The following XPNPEP1 variants were observed in gnomAD, a reference collection of about 807,000 sequenced individuals.
XPNPEP1 encodes the protein X-prolyl aminopeptidase 1.
XPNPEP1 carries 39 observed loss-of-function variants against 92.4 expected under a neutral mutation model. The observed-to-expected ratio is 0.42, with a 90% confidence interval of 0.33 to 0.55. XPNPEP1 has a LOEUF of 0.55. Ranked by LOEUF, XPNPEP1 falls within the 20% of genes least tolerant of loss-of-function variation. XPNPEP1 has a pLI of 0.08. For synonymous variants in XPNPEP1, 307 were observed against 299.4 expected, an observed-to-expected ratio of 1.03 and a Z score of -0.26; for missense variants, 654 against 856.1, an observed-to-expected ratio of 0.76 and a Z score of 2.95.
intron 1 of XPNPEP1, among the ~76,000 whole-genome samples, chr10:109,918,544 G>A (rs921107139): frequency 4.6e-5 from 7 of 152,096 alleles, no homozygotes; most frequent in Admixed American, 3.3e-4. Flanking sequence ...GGCAGATCAC[G>A]AGGTCAGGAG....
chr10:109,896,391 A>G (rs1554880391), intron 3 of XPNPEP1, among the ~76,000 whole-genome samples: 5 of 133,692 alleles, frequency 3.7e-5, no homozygotes, highest in Non-Finnish European at 7.9e-5. Flanking sequence ...CAATCCTCCC[A>G]CCTCAATCTT....
chr10:109,887,945 T>G, intron 7 of XPNPEP1, 104 bp downstream of exon 7: 1 of 1,492,198 alleles, frequency 6.7e-7, no homozygotes, highest in Non-Finnish European at 9.0e-7. Context: ...AATCCTCCTG[T>G]CAGCTCCAAC....
intron 14 of XPNPEP1, chr10:109,875,952 C>A (rs959317097): frequency 4.9e-6 from 1 of 204,268 alleles, no homozygotes; most frequent in Non-Finnish European, 1.0e-5. Flanking sequence ...TAGCTAGAGT[C>A]CTGGGAACTG....
intron 3 of XPNPEP1, among the ~76,000 whole-genome samples, chr10:109,904,073 G>C (rs1849427591): frequency 6.6e-6 from 1 of 151,316 alleles, no homozygotes; most frequent in Admixed American, 6.6e-5. Context: ...TCGAACTCCT[G>C]ACCTCAGGTG....
At chr10:109,888,759 G>A (rs375268355) in intron 5 of XPNPEP1, among the ~76,000 whole-genome samples, 164 bp from the exon 6 acceptor site, 26 of 152,290 alleles carry the variant, frequency 1.7e-4, no homozygotes, top group African/African-American at 5.5e-4. Flanking sequence ...CCTTAATCCT[G>A]GAAGGCTACA....
At chr10:109,875,654 C>G in intron 14 of XPNPEP1, 55 bp from the exon 15 acceptor site, 1 of 1,513,366 alleles carries the variant, frequency 6.6e-7, no homozygotes, top group South Asian at 1.2e-5. Flanking sequence ...CTTAGTGAAT[C>G]TGGGAGGAGG....
At chr10:109,919,083 A>C (rs80049756) in intron 1 of XPNPEP1, among the ~76,000 whole-genome samples, 1 of 152,368 alleles carries the variant, frequency 6.6e-6, no homozygotes, top group Non-Finnish European at 1.5e-5. Flanking sequence ...TGGATTAGGC[A>C]ATGACTTCTT....
At position 109,891,561 on chromosome 10, in the gene XPNPEP1, G is replaced by C. The variant is rs901594186; in HGVS notation, c.415+161C>G. 11 of 531,370 alleles carry C rather than the reference G, an allele frequency of 2.1e-5. No homozygotes were observed. In the Admixed American group the frequency reaches 4.0e-4, roughly 20 times the overall value. 32.9% of individuals were successfully genotyped at this position (531,370 alleles called of 1,614,324 possible). A position where few individuals can be genotyped will look rare whatever the true frequency, so the allele number is the denominator to read the frequency against. ...TCCAAAATTGAATGCACATTGGTAC[G>C]TATGTATAGGCATGCCATTTTTTTT... On this transcript the variant is annotated intron_variant, in intron 5 of 20. Transcript: ENST00000502935.
intron 3 of XPNPEP1, among the ~76,000 whole-genome samples, chr10:109,898,436 G>A (rs753513867): frequency 2.0e-5 from 3 of 152,156 alleles, no homozygotes; most frequent in Non-Finnish European, 4.4e-5. Context: ...CCATATAAAC[G>A]ATGCTGAACA....
intron 15 of XPNPEP1, among the ~76,000 whole-genome samples, chr10:109,874,270 A>G (rs1000125487): frequency 2.0e-5 from 3 of 152,224 alleles, no homozygotes; most frequent in Admixed American, 6.5e-5. Flanking sequence ...GAGAGACACT[A>G]TCACTGGGGT....
At chr10:109,910,713 G>T (rs916825726) in intron 2 of XPNPEP1, among the ~76,000 whole-genome samples, 3 of 152,176 alleles carry the variant, frequency 2.0e-5, no homozygotes, top group Non-Finnish European at 4.4e-5. Context: ...TGGTAATCAT[G>T]AATAAAGCTG....
chr10:109,914,869 G>T, intron 2 of XPNPEP1, 142 bp downstream of exon 2: 2 of 421,560 alleles, frequency 4.7e-6, no homozygotes, highest in Non-Finnish European at 8.2e-6. Context: ...AAAATAAAAT[G>T]GTTTTTAACT....
chr10:109,882,297 C>A, intron 10 of XPNPEP1, 135 bp downstream of exon 10: 1 of 999,606 alleles, frequency 1.0e-6, no homozygotes. Context: ...ATGGCTCCAG[C>A]TTTAAGGCCT....
intron 18 of XPNPEP1, 136 bp from the exon 19 acceptor site, chr10:109,870,165 AG>A: frequency 2.1e-6 from 2 of 936,682 alleles, no homozygotes; most frequent in South Asian, 3.5e-5. Context: ...ATCTGGTGTA[AG>A]AGCCTAGAGA....
intron 3 of XPNPEP1, chr10:109,893,331 A>G (rs147754287): frequency 5.9e-4 from 211 of 355,722 alleles, no homozygotes; most frequent in African/African-American, 4.0e-3. Context: ...ACATCAGGAG[A>G]AACAGATAAA....
At chr10:109,869,773 C>T in intron 19 of XPNPEP1, 180 bp downstream of exon 19, 1 of 554,894 alleles carries the variant, frequency 1.8e-6, no homozygotes, top group Non-Finnish European at 3.2e-6. Context: ...GAAGAAGGCT[C>T]CATGTTGGCC....
intron 10 of XPNPEP1, among the ~76,000 whole-genome samples, chr10:109,882,071 AT>A (rs1848130885): frequency 6.6e-6 from 1 of 152,212 alleles, no homozygotes; most frequent in Non-Finnish European, 1.5e-5. Flanking sequence ...ACTTTAGACC[AT>A]CTTTAAATCA....
intron 6 of XPNPEP1, 87 bp downstream of exon 6, chr10:109,888,416 T>C: frequency 7.2e-7 from 1 of 1,389,404 alleles, no homozygotes; most frequent in Non-Finnish European, 9.8e-7. Flanking sequence ...CCCCCAGTGC[T>C]CCACACCCCA....
intron 5 of XPNPEP1, 90 bp downstream of exon 5, chr10:109,891,632 A>G: frequency 9.1e-7 from 1 of 1,103,996 alleles, no homozygotes; most frequent in Non-Finnish European, 1.3e-6. Context: ...TGACTGCATA[A>G]AAGGATTAAG....
Sources: gnomAD v4.1 joint callset for allele counts (sites outside exome capture counted in the v4.1 genomes callset) on GRCh38, gnomAD v4.1.1 for gene constraint, MANE v1.5 for transcripts, NCBI Gene and HGNC (gene_info 2026-07-23, HGNC 2026-07-21) for gene names.